Variants in FGD4 observed in about 807,000 individuals in gnomAD.
FGD4 encodes the protein FYVE, RhoGEF and PH domain containing 4.
In FGD4, 42 loss-of-function variants were observed where a neutral mutation model predicts 102.0. The ratio of observed to expected loss-of-function variants is 0.41; its 90% CI spans 0.32 to 0.53. The LOEUF (loss-of-function observed/expected upper bound fraction) is 0.53. Ranked by LOEUF, FGD4 falls within the 20% of genes least tolerant of loss-of-function variation. The pLI is 0.21. For synonymous variants in FGD4, 380 were observed against 375.7 expected (o/e 1.01, Z -0.13); for missense variants, 902 against 1,078.2 (o/e 0.84, Z 2.29).
At chr12:32,580,356 A>G (rs955498220) in intron 3 of FGD4, among the ~76,000 whole-genome samples, 10 of 152,278 alleles carry the variant, frequency 6.6e-5, no homozygotes, top group African/African-American at 2.2e-4. Flanking sequence ...GGCTGTTATT[A>G]TTGTCACAAT....
At chr12:32,485,880 G>C (rs1035639493) in intron 1 of FGD4, 7 of 1,241,124 alleles carry the variant, frequency 5.6e-6, no homozygotes, top group Non-Finnish European at 7.1e-6. Flanking sequence ...AAACACCTTC[G>C]TGGAATTTTG....
At chr12:32,464,899 G>A (rs1033119118) in intron 1 of FGD4, among the ~76,000 whole-genome samples, 12 of 152,152 alleles carry the variant, frequency 7.9e-5, no homozygotes, top group African/African-American at 2.7e-4. Flanking sequence ...TATCATTAAA[G>A]TTCGAGCTTG....
chr12:32,435,530 A>C (rs569575463), intron 1 of FGD4, among the ~76,000 whole-genome samples: 2 of 89,296 alleles, frequency 2.2e-5, no homozygotes, highest in East Asian at 7.1e-4. Flanking sequence ...TTAAATGACT[A>C]AGTTGGAATT....
chr12:32,438,439 T>C (rs1343015494), intron 1 of FGD4, among the ~76,000 whole-genome samples: 2 of 152,180 alleles, frequency 1.3e-5, no homozygotes, highest in Non-Finnish European at 2.9e-5. Context: ...TCTTAGCAGA[T>C]TCTTCAATAA....
chr12:32,514,559 T>C (rs1281822089), intron 1 of FGD4, among the ~76,000 whole-genome samples: 1 of 152,102 alleles, frequency 6.6e-6, no homozygotes, highest in Non-Finnish European at 1.5e-5. Flanking sequence ...TCTCCCAGGC[T>C]GGAGTGCGGT....
At chr12:32,616,960 T>G (rs1033564174) in intron 10 of FGD4, among the ~76,000 whole-genome samples, 5 of 151,754 alleles carry the variant, frequency 3.3e-5, no homozygotes, top group Non-Finnish European at 5.9e-5. Flanking sequence ...CATCATAACA[T>G]GCAGAAGGCA....
At chr12:32,591,054 G>C (rs1466780547) in intron 4 of FGD4, among the ~76,000 whole-genome samples, 7 of 152,104 alleles carry the variant, frequency 4.6e-5, no homozygotes, top group African/African-American at 1.4e-4. Context: ...GATAAATTGT[G>C]GTACAAAATC....
intron 7 of FGD4, among the ~76,000 whole-genome samples, chr12:32,605,679 T>TA (rs1948731479): frequency 6.6e-6 from 1 of 152,228 alleles, no homozygotes; most frequent in Admixed American, 6.5e-5. Context: ...TTTTAGGCCT[T>TA]ACATAGAGTA....
intron 1 of FGD4, among the ~76,000 whole-genome samples, chr12:32,448,431 G>A (rs1297323590): frequency 2.0e-5 from 3 of 152,152 alleles, no homozygotes; most frequent in Admixed American, 6.5e-5. Context: ...GCTGAGGCGA[G>A]TGGATCACCT....
intron 1 of FGD4, among the ~76,000 whole-genome samples, chr12:32,505,347 G>C (rs968277365): frequency 2.6e-5 from 4 of 152,188 alleles, no homozygotes; most frequent in Admixed American, 1.3e-4. Flanking sequence ...TGAGGAGCCT[G>C]GAAAGCATGC....
intron 1 of FGD4, among the ~76,000 whole-genome samples, chr12:32,520,730 CTGGCCTATTTTTG>C (rs1940456132): frequency 6.6e-6 from 1 of 152,236 alleles, no homozygotes; most frequent in Middle Eastern, 3.4e-3. Context: ...GCCACCGCGC[CTGGCCTATTTTTG>C]TGTTTTAAAG....
chr12:32,414,823 A>C (rs183268578), intron 1 of FGD4, among the ~76,000 whole-genome samples: 1 of 152,070 alleles, frequency 6.6e-6, no homozygotes, highest in Non-Finnish European at 1.5e-5. Context: ...TGTTTGTTCT[A>C]ATTTTGGGTT....
chr12:32,579,801 C>T (rs540131873), intron 3 of FGD4, among the ~76,000 whole-genome samples: 1 of 152,286 alleles, frequency 6.6e-6, no homozygotes, highest in South Asian at 2.1e-4. Context: ...ATGACATTTT[C>T]CCCTACTCAA....
chr12:32,613,433 T>G (rs1385565773), intron 10 of FGD4, among the ~76,000 whole-genome samples: 1 of 152,166 alleles, frequency 6.6e-6, no homozygotes, highest in Non-Finnish European at 1.5e-5. Flanking sequence ...GAACAGTATC[T>G]GGTTTGGGGC....
intron 1 of FGD4, among the ~76,000 whole-genome samples, chr12:32,421,268 G>C (rs969155637): frequency 3.3e-5 from 5 of 152,200 alleles, no homozygotes; most frequent in African/African-American, 1.2e-4. Context: ...AGCTTTCCTT[G>C]TGTGTCTACA....
At chr12:32,428,912 G>A (rs950442841) in intron 1 of FGD4, among the ~76,000 whole-genome samples, 1 of 152,068 alleles carries the variant, frequency 6.6e-6, no homozygotes, top group African/African-American at 2.4e-5. Context: ...AGTTATTCTA[G>A]TTAGCAATTC....
At chr12:32,505,993 A>C (rs1343112812) in intron 1 of FGD4, among the ~76,000 whole-genome samples, 1 of 152,196 alleles carries the variant, frequency 6.6e-6, no homozygotes, top group Admixed American at 6.5e-5. Context: ...TCTAAACAGG[A>C]TTGTCTGCTT....
At chr12:32,431,406 CT>C (rs536588312) in intron 1 of FGD4, among the ~76,000 whole-genome samples, 2 of 152,246 alleles carry the variant, frequency 1.3e-5, no homozygotes, top group East Asian at 3.9e-4. Context: ...GTAATTTATA[CT>C]TTTTTTCGTT....
At chr12:32,557,509 C>T (rs1342412924) in intron 1 of FGD4, among the ~76,000 whole-genome samples, 1 of 152,160 alleles carries the variant, frequency 6.6e-6, no homozygotes, top group Non-Finnish European at 1.5e-5. Context: ...TGCATATGTT[C>T]TATAGTGTTA....
Sources: gnomAD v4.1 joint callset for allele counts (sites outside exome capture counted in the v4.1 genomes callset) on GRCh38, gnomAD v4.1.1 for gene constraint, MANE v1.5 for transcripts, NCBI Gene and HGNC (gene_info 2026-07-23, HGNC 2026-07-21) for gene names.